The following PCDHGA8 variants were observed in gnomAD, a reference collection of about 807,000 sequenced individuals.
The protein encoded by PCDHGA8 is protocadherin gamma subfamily A, 8.
A neutral mutation model predicts 59.2 loss-of-function variants in PCDHGA8; 45 were observed. The ratio of observed to expected loss-of-function variants is 0.76; its 90% CI spans 0.60 to 0.98. The LOEUF is 0.98. Ranked by LOEUF, PCDHGA8 falls within the 50% of genes least tolerant of loss-of-function variation. The pLI, the probability that PCDHGA8 is intolerant of heterozygous loss-of-function variation, is 0.00. For synonymous variants in PCDHGA8, 531 were observed against 519.0 expected (o/e 1.02, Z -0.32); for missense variants, 1,257 against 1,196.2 (o/e 1.05, Z -0.75).
rs1193465269 is a variant in PCDHGA8 at position 141,467,055 on chromosome 5, C to CT, written c.2425-27736dup. Among the ~76,000 whole-genome samples, 814 of 134,448 alleles carry CT rather than the reference C, an allele frequency of 6.1e-3. 10 individuals carry two copies. Among genetic ancestry groups the CT allele is most frequent in the African/African-American group, 0.018 (656 of 36,920 alleles). The allele number at this position is 134,448 out of a possible 152,430, so 88.2% of individuals were successfully genotyped here. A position where few individuals can be genotyped will look rare whatever the true frequency, so the allele number is the denominator to read the frequency against. Reference sequence around the variant, plus strand: ...TTTTTGTGTAATGAATCAATGTTTTCTTTTTTTTTTTTTTTTAGACCAAGT... The same window carrying CT: ...TTTTTGTGTAATGAATCAATGTTTTCTTTTTTTTTTTTTTTTTAGACCAAGT... On this transcript the variant is annotated intron_variant, in intron 1 of 3. Coordinates refer to ENST00000398604, the MANE Select transcript of PCDHGA8 (RefSeq NM_032088.2).
At chr5:141,510,353 C>T (rs74759939) in intron 3 of PCDHGA8, among the ~76,000 whole-genome samples, 2 of 146,504 alleles carry the variant, frequency 1.4e-5, no homozygotes, top group African/African-American at 5.0e-5. Context: ...CACTTACTAA[C>T]GGAACTACCG....
chr5:141,432,138 A>C lies in PCDHGA8; in HGVS notation c.2424+36901A>C, dbSNP rs2097456794. On this transcript the variant is annotated intron_variant, in intron 1 of 3. Coordinates refer to ENST00000398604, the MANE Select transcript of PCDHGA8 (RefSeq NM_032088.2). The surrounding 1 kb of genome is among the most constrained non-coding windows in gnomAD (Gnocchi z 6.0). ...TTCCCTCAGGCCTCCTATTCCGCTT[A>C]TATCCCAGAGAACAATCCCAGAGGA... 1 of 1,613,954 alleles carries C rather than the reference A, an allele frequency of 6.2e-7. No individual in the cohort carries two copies. Among genetic ancestry groups the C allele is most frequent in the African/African-American group, 1.3e-5 (1 of 74,882 alleles).
chr5:141,400,011 G>A (rs200842238), intron 1 of PCDHGA8: 35 of 1,612,624 alleles, frequency 2.2e-5, no homozygotes, highest in African/African-American at 4.0e-5. Context: ...CGCGTGCCTT[G>A]GGCGACAGGG....
intron 1 of PCDHGA8, among the ~76,000 whole-genome samples, chr5:141,460,959 A>ATG (rs1248175237): frequency 7.9e-6 from 1 of 126,082 alleles, no homozygotes; most frequent in Non-Finnish European, 1.6e-5. Flanking sequence ...ATGTATATAT[A>ATG]TATGTGTGTG....
intron 1 of PCDHGA8, chr5:141,479,339 G>GTA (rs1298553162): frequency 1.3e-5 from 2 of 152,644 alleles, no homozygotes; most frequent in East Asian, 3.8e-4. Context: ...GTGTGCACCT[G>GTA]TAGTTCTTGC....
intron 1 of PCDHGA8, among the ~76,000 whole-genome samples, chr5:141,455,243 A>G (rs945218710): frequency 1.3e-5 from 2 of 152,146 alleles, no homozygotes; most frequent in Non-Finnish European, 2.9e-5. Flanking sequence ...GTTAAAGGTC[A>G]TAGTACAATC....
rs1190624035 is a variant in PCDHGA8, at chr5:141,432,332, T to G, written c.2424+37095T>G. ...GCTGAGCTCCTTCGACTACGAGCAG[T>G]TCCGAGACTTGCAAGTGAAAGTGAT... On this transcript the variant is annotated intron_variant, in intron 1 of 3. Coordinates refer to ENST00000398604, the MANE Select transcript of PCDHGA8 (RefSeq NM_032088.2). The surrounding 1 kb of genome is among the most constrained non-coding windows in gnomAD (Gnocchi z 6.0). The G allele has an allele frequency of 2.5e-6, 4 of 1,614,116 alleles. No homozygotes were observed. In the African/African-American group the frequency reaches 5.3e-5, roughly 22 times the overall value.
At chr5:141,408,844 C>G (rs1359968983) in intron 1 of PCDHGA8, 1 of 1,613,634 alleles carries the variant, frequency 6.2e-7, no homozygotes, top group South Asian at 1.1e-5. Context: ...TATTGACTGC[C>G]TTGGACGGAG....
intron 1 of PCDHGA8, chr5:141,398,640 ACT>A (rs2093681875): frequency 1.9e-6 from 3 of 1,613,828 alleles, no homozygotes; most frequent in Non-Finnish European, 2.5e-6. Flanking sequence ...AGAAGTATAA[ACT>A]CTCTCTTAAC....
At position 141,476,645 on chromosome 5, in the gene PCDHGA8, A is replaced by G. The variant is rs150444699; in HGVS notation, c.2425-18162A>G. The G allele has an allele frequency of 1.2e-4, 199 of 1,614,128 alleles. No homozygotes were observed. Among genetic ancestry groups the G allele is most frequent in the Non-Finnish European group, 1.6e-4 (194 of 1,180,060 alleles). ...TTTACAAACCTATGAGCTGAGCCGA[A>G]ATGAATACTTTGCGCTTCGCGTGCA... On this transcript the variant is annotated intron_variant, in intron 1 of 3. Transcript: ENST00000398604. The surrounding 1 kb of genome is among the most constrained non-coding windows in gnomAD (Gnocchi z 7.6).
At chr5:141,443,447 C>T (rs1267862519) in intron 1 of PCDHGA8, among the ~76,000 whole-genome samples, 1 of 152,184 alleles carries the variant, frequency 6.6e-6, no homozygotes, top group African/African-American at 2.4e-5. Flanking sequence ...GGTTGCGCTC[C>T]TGTACTCCAG....
At position 141,476,456 on chromosome 5, in the gene PCDHGA8, A is replaced by C; in HGVS notation, c.2425-18351A>C. The C allele has an allele frequency of 6.2e-7, 1 of 1,614,058 alleles. No homozygotes were observed. Among genetic ancestry groups the C allele is most frequent in the Non-Finnish European group, 8.5e-7 (1 of 1,180,010 alleles). On this transcript the variant is annotated intron_variant, in intron 1 of 3. Transcript: ENST00000398604. The surrounding 1 kb of genome is among the most constrained non-coding windows in gnomAD (Gnocchi z 7.6). ...TGTAACTCTGGAGTTGGTAGTGGAGAACCCGCTGGAGCTGTTCAGCGTGGA... is the reference window on the plus strand; with the variant it reads ...TGTAACTCTGGAGTTGGTAGTGGAGCACCCGCTGGAGCTGTTCAGCGTGGA...
Position 141,393,124 on chromosome 5 carries a change from T to C in PCDHGA8, c.311T>C (p.Ile104Thr). Residue 104 changes from isoleucine to threonine, a missense_variant, in exon 1 of 4, where the codon ATA (isoleucine) becomes ACA (threonine). Transcript: ENST00000398604. ...ELCAQSPRCL[I>T]NINTLVEDKG... ...TGCGCTCAGAGCCCGCGGTGTCTGA[T>C]AAATATTAACACCCTGGTTGAGGAT... 2 of 1,613,430 alleles carry C rather than the reference T, an allele frequency of 1.2e-6. No individual in the cohort carries two copies.
intron 2 of PCDHGA8, among the ~76,000 whole-genome samples, chr5:141,502,048 ACTTTATTCC>A (rs1055762924): frequency 6.6e-5 from 10 of 151,746 alleles, no homozygotes; most frequent in African/African-American, 2.4e-4. Context: ...TGCTCTCCCT[ACTTTATTCC>A]CATTAGCCCC....
rs372159245 is a variant in PCDHGA8, at chr5:141,393,023, T to G, written c.210T>G (p.Gly70=). 1.4e-5 allele frequency: 22 copies of G among 1,613,668 alleles called. No individual in the cohort carries two copies. The highest frequency in any genetic ancestry group is 1.7e-5 in the Non-Finnish European group (20 of 1,179,824). Residue 70 remains glycine (G), a synonymous_variant, in exon 1 of 4, where the codon GGT becomes GGG. Transcript: ENST00000398604. ...ACGGAGTCCGTATCGTCTCCAGAGG[T>G]AGGACGCAGCTCTTTGCTCTGAACC... ...AKHGVRIVSR[G]RTQLFALNPR...
chr5:141,488,170 T>C (rs554585709), intron 1 of PCDHGA8, among the ~76,000 whole-genome samples: 2 of 152,318 alleles, frequency 1.3e-5, no homozygotes, highest in African/African-American at 2.4e-5. Context: ...ATCAGAGTGG[T>C]GGCATAGATC....
At chr5:141,403,612 G>A (rs1314297922) in intron 1 of PCDHGA8, 1 of 1,613,854 alleles carries the variant, frequency 6.2e-7, no homozygotes, top group Non-Finnish European at 8.5e-7. Flanking sequence ...GCGGCGAGCC[G>A]CGTCGCTCCA....
rs2096665320 is a variant in PCDHGA8 at position 141,422,696 on chromosome 5, A to G, written c.2424+27459A>G. The G allele has an allele frequency of 3.1e-6, 5 of 1,602,638 alleles. No homozygotes were observed. The highest frequency in any genetic ancestry group is 4.3e-6 in the Non-Finnish European group (5 of 1,174,110). On this transcript the variant is annotated intron_variant, in intron 1 of 3. Coordinates refer to ENST00000398604, the MANE Select transcript of PCDHGA8 (RefSeq NM_032088.2). Reference sequence around the variant, plus strand: ...AGCAAACAGAATGCCCTGGTCACTTACTCTCTGACGGATGACACTGTCCAG... The same window carrying G: ...AGCAAACAGAATGCCCTGGTCACTTGCTCTCTGACGGATGACACTGTCCAG...
intron 1 of PCDHGA8, among the ~76,000 whole-genome samples, chr5:141,437,491 T>C (rs1428543921): frequency 6.6e-6 from 1 of 152,184 alleles, no homozygotes; most frequent in Non-Finnish European, 1.5e-5. Flanking sequence ...ATCTCGTAGA[T>C]CACTTTTCAA....
Sources: allele counts gnomAD v4.1 joint callset (sites outside exome capture counted in the v4.1 genomes callset), GRCh38; gene constraint gnomAD v4.1.1; non-coding constraint Gnocchi (gnomAD v3.1); transcripts MANE v1.5; gene names NCBI Gene and HGNC (gene_info 2026-07-23, HGNC 2026-07-21).